GCNT1: variants seen among roughly 807,000 people sequenced by gnomAD.
GCNT1 encodes glucosaminyl (N-acetyl) transferase 1.
Under a neutral mutation model 26.2 loss-of-function variants are expected in GCNT1, and 16 were observed. The observed-to-expected ratio is 0.61, with a 90% confidence interval of 0.41 to 0.93. The LOEUF (loss-of-function observed/expected upper bound fraction) is 0.93, where lower values mean the gene tolerates loss of function less well. GCNT1 is among the 40% of genes least tolerant of loss of function. The pLI, the probability that GCNT1 is intolerant of heterozygous loss-of-function variation, is 0.00. For missense variants in GCNT1, 477 were observed against 526.7 expected, an observed-to-expected ratio of 0.91 and a Z score of 0.92; for synonymous variants, 183 against 190.8, an observed-to-expected ratio of 0.96 and a Z score of 0.34.
At chr9:76,457,180 G>A (rs1223405137), upstream of GCNT1, among the ~76,000 whole-genome samples, 1 of 152,152 alleles carries the variant, frequency 6.6e-6, no homozygotes, top group Non-Finnish European at 1.5e-5. Flanking sequence ...TTGTACCTCG[G>A]CTTCCTAAAG....
At chr9:76,404,232 T>C in the GCNT1 span, among the ~76,000 whole-genome samples, 1 of 152,212 alleles carries the variant, frequency 6.6e-6, no homozygotes, top group Non-Finnish European at 1.5e-5. Context: ...GGTGTTTCCC[T>C]CCTTTTTTCT....
In GCNT1 at chr9:76,491,220, T is replaced by C. The variant is rs572913254; in HGVS notation, c.-289-9696T>C. Among the ~76,000 whole-genome samples the C allele has an allele frequency of 3.0e-3, 450 of 149,516 alleles. 2 individuals are homozygous for C. The highest frequency in any genetic ancestry group is 0.017 in the Middle Eastern group (5 of 288). Reference sequence around the variant, plus strand: ...CTCCCTCTTTGTCTCTGTCTCTTCCTCTCTCTCTCTCTCTGACTTTCTCTT... The same window carrying C: ...CTCCCTCTTTGTCTCTGTCTCTTCCCCTCTCTCTCTCTCTGACTTTCTCTT... On this transcript the variant is annotated intron_variant, in intron 2 of 3. Transcript: ENST00000376730.
chr9:76,498,199 A>G (rs1824962335), intron 2 of GCNT1, among the ~76,000 whole-genome samples: 2 of 152,152 alleles, frequency 1.3e-5, no homozygotes, highest in South Asian at 2.1e-4. Context: ...TGGATATACC[A>G]TATTTTGTTT....
At chr9:76,475,829 T>C (rs1478114195) in intron 2 of GCNT1, among the ~76,000 whole-genome samples, 1 of 152,206 alleles carries the variant, frequency 6.6e-6, no homozygotes, top group Non-Finnish European at 1.5e-5. Flanking sequence ...ATGAGGAAAC[T>C]AAGGCTCAGA....
chr9:76,413,668 G>GT, the GCNT1 span, among the ~76,000 whole-genome samples: 118 of 84,174 alleles, frequency 1.4e-3, 1 homozygote, highest in South Asian at 3.2e-3. Flanking sequence ...TTTTTTTTTT[G>GT]TTTTTTTTTT....
At chr9:76,483,971 T>C (rs1445281256) in intron 2 of GCNT1, among the ~76,000 whole-genome samples, 1 of 152,192 alleles carries the variant, frequency 6.6e-6, no homozygotes, top group Non-Finnish European at 1.5e-5. Flanking sequence ...TGTGCCACCA[T>C]GCCTGGCCTG....
chr9:76,476,002 G>C (rs1824245659), intron 2 of GCNT1, among the ~76,000 whole-genome samples: 1 of 152,232 alleles, frequency 6.6e-6, no homozygotes, highest in South Asian at 2.1e-4. Context: ...GAAAGGACCA[G>C]AGGAAGGAGT....
chr9:76,495,642 A>G (rs1824888164), intron 2 of GCNT1, among the ~76,000 whole-genome samples: 1 of 152,180 alleles, frequency 6.6e-6, no homozygotes, highest in Admixed American at 6.5e-5. Context: ...TCATCTAGCT[A>G]GACACAGAGC....
intron 2 of GCNT1, among the ~76,000 whole-genome samples, chr9:76,472,749 CTTTTT>C (rs869071794): frequency 9.6e-5 from 3 of 31,396 alleles, no homozygotes; most frequent in Admixed American, 2.3e-4. Flanking sequence ...CTTTTCTTTT[CTTTTT>C]TTTTTTTTTT....
intron 1 of GCNT1, 96 bp downstream of exon 1, chr9:76,459,401 C>T (rs1029977143): frequency 6.6e-6 from 1 of 152,212 alleles, no homozygotes; most frequent in Non-Finnish European, 1.5e-5. Context: ...TCAGCCAGTG[C>T]CCCGTGGCCC....
intron 1 of GCNT1, among the ~76,000 whole-genome samples, chr9:76,428,962 A>C (rs1315872676): frequency 2.0e-5 from 3 of 152,050 alleles, no homozygotes; most frequent in African/African-American, 7.2e-5. Context: ...GGCCTCCCAA[A>C]GTGTTGGGAT....
chr9:76,430,672 C>T (rs554002304), intron 1 of GCNT1, among the ~76,000 whole-genome samples: 29 of 152,122 alleles, frequency 1.9e-4, no homozygotes, highest in Admixed American at 3.9e-4. Flanking sequence ...AAGAATGAGC[C>T]ACTGCACCTG....
chr9:76,464,773 T>C (rs1823957532), intron 2 of GCNT1, among the ~76,000 whole-genome samples: 2 of 152,214 alleles, frequency 1.3e-5, no homozygotes, highest in Non-Finnish European at 2.9e-5. Flanking sequence ...TAAATTCTAC[T>C]TAAAAATTGA....
chr9:76,476,426 T>A (rs1237013189), intron 2 of GCNT1, among the ~76,000 whole-genome samples: 1 of 150,616 alleles, frequency 6.6e-6, no homozygotes, highest in Non-Finnish European at 1.5e-5. Context: ...CTTTTAGATT[T>A]GAAAAAAAAA....
At chr9:76,409,404 T>A in the GCNT1 span, among the ~76,000 whole-genome samples, 1 of 152,146 alleles carries the variant, frequency 6.6e-6, no homozygotes, top group Non-Finnish European at 1.5e-5. Context: ...GTTTCATTTA[T>A]TTTCTCTATT....
At chr9:76,424,532 G>T (rs1823235638) in intron 1 of GCNT1, among the ~76,000 whole-genome samples, 1 of 152,142 alleles carries the variant, frequency 6.6e-6, no homozygotes, top group South Asian at 2.1e-4. Flanking sequence ...GGTAAGGCTG[G>T]ATCTTGGAGT....
chr9:76,492,403 T>C (rs2131631715), intron 2 of GCNT1, among the ~76,000 whole-genome samples: 1 of 152,164 alleles, frequency 6.6e-6, no homozygotes, highest in Admixed American at 6.5e-5. Context: ...AATACCTGGT[T>C]ACAGGCCATC....
intron 1 of GCNT1, among the ~76,000 whole-genome samples, chr9:76,428,265 C>CAAAAAAAAAAAAAAAAAAAA (rs869195487): frequency 2.4e-4 from 7 of 29,772 alleles, no homozygotes; most frequent in African/African-American, 4.1e-4. Context: ...GACTCCGTCT[C>CAAAAAAAAAAAAAAAAAAAA]AAAAAAAAAA....
At chr9:76,413,677 T>G in the GCNT1 span, among the ~76,000 whole-genome samples, 16 of 150,188 alleles carry the variant, frequency 1.1e-4, no homozygotes, top group Non-Finnish European at 2.1e-4. Context: ...TGTTTTTTTT[T>G]TTTTTTTGGC....
Sources: gnomAD v4.1 joint callset for allele counts (sites outside exome capture counted in the v4.1 genomes callset) on GRCh38, gnomAD v4.1.1 for gene constraint, MANE v1.5 for transcripts, NCBI Gene and HGNC (gene_info 2026-07-23, HGNC 2026-07-21) for gene names.